Variants in HYDIN observed in about 807,000 individuals in gnomAD.
HYDIN encodes the protein HYDIN axonemal central pair apparatus protein, also known as axonemal central pair apparatus protein HYDIN.
A neutral mutation model predicts 403.9 loss-of-function variants in HYDIN; 132 were observed. That is an observed-to-expected ratio of 0.33 (90% CI 0.28 to 0.38). The LOEUF is 0.38. Ranked by LOEUF, HYDIN falls within the 10% of genes least tolerant of loss-of-function variation. The pLI is 1.00. For missense variants in HYDIN, 2,827 were observed against 5,009.5 expected, an observed-to-expected ratio of 0.56 and a Z score of 13.15; for synonymous variants, 1,202 against 1,891.7, an observed-to-expected ratio of 0.64 and a Z score of 9.46.
chr16:71,152,593 T>A (rs1408867381), intron 7 of HYDIN, 66 bp downstream of exon 7: 5 of 714,700 alleles, frequency 7.0e-6, no homozygotes, highest in Non-Finnish European at 1.1e-5. Context: ...TTCCCACTTA[T>A]GAGTGAGAAC....
intron 1 of HYDIN, among the ~76,000 whole-genome samples, chr16:71,216,112 A>G (rs2088867375): frequency 6.6e-6 from 1 of 152,200 alleles, no homozygotes; most frequent in African/African-American, 2.4e-5. Context: ...CAGCAGTTTT[A>G]CCCTGGTAGA....
At chr16:70,902,809 A>T (rs2076419791) in intron 52 of HYDIN, among the ~76,000 whole-genome samples, 1 of 66,162 alleles carries the variant, frequency 1.5e-5, no homozygotes. Context: ...ATATATATAT[A>T]TATATATATA....
intron 67 of HYDIN, among the ~76,000 whole-genome samples, chr16:70,863,657 C>T (rs1046245309): frequency 6.6e-6 from 1 of 152,148 alleles, no homozygotes; most frequent in African/African-American, 2.4e-5. Flanking sequence ...AGGCAGCTCA[C>T]TTGAGGCCAA....
In HYDIN at chr16:70,938,771, A is replaced by G. The variant is rs1196389233; in HGVS notation, c.6854-16T>C. ...TGCTTGCGTTCTGTGAGGGGAACAG[A>G]GACGGGAAGGTGAGGAAAAGTCCTT... On this transcript the variant is annotated splice_polypyrimidine_tract_variant and intron_variant, in intron 43 of 85. Transcript: ENST00000393567. 4 of 1,613,460 alleles carry G rather than the reference A, an allele frequency of 2.5e-6. No homozygotes were observed. The highest frequency in any genetic ancestry group is 3.4e-6 in the Non-Finnish European group (4 of 1,179,874).
rs555825288 is a variant in HYDIN at position 71,176,246 on chromosome 16, A to C, written c.382-505T>G. Among the ~76,000 whole-genome samples, 4 of 151,296 alleles carry C rather than the reference A, an allele frequency of 2.6e-5. No homozygotes were observed. The South Asian group carries it at 8.4e-4, about 32-fold the overall frequency. On this transcript the variant is annotated intron_variant, in intron 4 of 85. Transcript: ENST00000393567. ...CTTGAACCCAGGAGGCAGAGGTTCC[A>C]GTGAGCCGAGATCGGGCCACTGCAC...
intron 10 of HYDIN, among the ~76,000 whole-genome samples, chr16:71,110,638 G>A (rs1183882288): frequency 6.6e-6 from 1 of 151,540 alleles, no homozygotes; most frequent in Non-Finnish European, 1.5e-5. Flanking sequence ...GTTTTATCGA[G>A]GGAAGGTGAG....
At chr16:71,062,053 C>G (rs7188044) in intron 17 of HYDIN, 116 bp downstream of exon 17, 5 of 855,160 alleles carry the variant, frequency 5.8e-6, no homozygotes, top group Non-Finnish European at 9.1e-6. Flanking sequence ...TAAAACCCTA[C>G]AACTCCAAGC....
chr16:70,819,974 A>AT (rs56879257), intron 83 of HYDIN, among the ~76,000 whole-genome samples: 1,831 of 123,076 alleles, frequency 0.015, 8 homozygotes, highest in Middle Eastern at 0.047. Context: ...CGCCTGGCTA[A>AT]TTTTTTTTTT....
At chr16:71,059,827 T>C (rs1375633183) in intron 18 of HYDIN, among the ~76,000 whole-genome samples, 1 of 152,052 alleles carries the variant, frequency 6.6e-6, no homozygotes, top group African/African-American at 2.4e-5. Context: ...CGCATGGGGG[T>C]TTGGTGTCCC....
intron 41 of HYDIN, among the ~76,000 whole-genome samples, chr16:70,946,624 G>C (rs1461335417): frequency 6.6e-6 from 1 of 152,120 alleles, no homozygotes; most frequent in Non-Finnish European, 1.5e-5. Context: ...GAGGGCACGA[G>C]GTGGGTGCTA....
chr16:71,107,745 T>C (rs2083669881), intron 10 of HYDIN, among the ~76,000 whole-genome samples: 1 of 151,982 alleles, frequency 6.6e-6, no homozygotes. Context: ...AGTTCAACCA[T>C]TATGGAAAGC....
chr16:70,914,056 G>T (rs2076769031), intron 47 of HYDIN, among the ~76,000 whole-genome samples: 1 of 150,004 alleles, frequency 6.7e-6, no homozygotes, highest in Non-Finnish European at 1.5e-5. Context: ...TAGTTGGTTG[G>T]TGAATTCTTA....
At position 70,807,926 on chromosome 16, in the gene HYDIN, G is replaced by T; in HGVS notation, c.15020C>A (p.Ser5007Ter). 2 of 1,614,168 alleles carry T rather than the reference G, an allele frequency of 1.2e-6. No homozygotes were observed. Among genetic ancestry groups the T allele is most frequent in the Non-Finnish European group, 1.7e-6 (2 of 1,180,028 alleles). Residue 5007 changes from serine to a stop codon, truncating the protein, a stop_gained, in exon 86 of 86, where the codon TCG becomes TAG. Transcript: ENST00000393567. LOFTEE classifies it high-confidence loss of function. ...GATGATATACTCTCCACCTGCGAGC[G>T]ATGATAGGATCAGGATGCCCTTGGT... ...GETKGILILS[S>*]LAGGEYIIPL...
intron 1 of HYDIN, among the ~76,000 whole-genome samples, chr16:71,227,579 A>G (rs1361879404): frequency 6.6e-6 from 1 of 152,200 alleles, no homozygotes; most frequent in African/African-American, 2.4e-5. Flanking sequence ...TTCAAAGAGA[A>G]TAAAATACCT....
chr16:71,151,246 T>C (rs1188040971), intron 7 of HYDIN, among the ~76,000 whole-genome samples: 1 of 152,082 alleles, frequency 6.6e-6, no homozygotes, highest in Non-Finnish European at 1.5e-5. Context: ...TGGCTAAAAC[T>C]AATAGACAAA....
At chr16:71,030,293 C>A (rs911030554) in intron 19 of HYDIN, among the ~76,000 whole-genome samples, 15 of 152,016 alleles carry the variant, frequency 9.9e-5, no homozygotes, top group African/African-American at 3.6e-4. Flanking sequence ...CTCAAGCAAT[C>A]CTCCCACCTC....
chr16:70,925,886 A>G lies in HYDIN; in HGVS notation c.7159-4669T>C, dbSNP rs774591458. 9.9e-3 allele frequency among the ~76,000 whole-genome samples: 1,505 copies of G among 151,630 alleles called. 19 individuals are homozygous for G. The highest frequency in any genetic ancestry group is 0.014 in the Admixed American group (206 of 15,254). ...TGCTCACCATCACTGGCCATCAGAG[A>G]AATGCAAATCAAAACCACAATGAGA... On this transcript the variant is annotated intron_variant, in intron 45 of 85. Coordinates refer to ENST00000393567, the MANE Select transcript of HYDIN (RefSeq NM_001270974.2).
chr16:70,909,164 T>C (rs937295515), intron 47 of HYDIN, among the ~76,000 whole-genome samples: 4 of 151,612 alleles, frequency 2.6e-5, no homozygotes, highest in African/African-American at 9.7e-5. Flanking sequence ...TTGGTACCAC[T>C]AAGCCAGTTA....
intron 67 of HYDIN, among the ~76,000 whole-genome samples, 191 bp from the exon 68 acceptor site, chr16:70,863,373 T>C: frequency 6.6e-6 from 1 of 152,174 alleles, no homozygotes; most frequent in South Asian, 2.1e-4. Context: ...AGAAAATATA[T>C]AGTGATTAAA....
Sources: gnomAD v4.1 joint callset for allele counts (sites outside exome capture counted in the v4.1 genomes callset) on GRCh38, gnomAD v4.1.1 for gene constraint, MANE v1.5 for transcripts, NCBI Gene and HGNC (gene_info 2026-07-23, HGNC 2026-07-21) for gene names.